The following ZFP90 variants were observed in gnomAD, a reference collection of about 807,000 sequenced individuals.
ZFP90 encodes the protein zinc finger protein 90 homolog.
Under a neutral mutation model 60.8 loss-of-function variants are expected in ZFP90, and 38 were observed. The observed-to-expected ratio is 0.62, with a 90% CI of 0.48 to 0.82. The LOEUF is 0.82. Ranked by LOEUF, ZFP90 falls within the 40% of genes least tolerant of loss-of-function variation. The probability of loss-of-function intolerance (pLI) is 0.00; values close to 1 mark genes in which losing one functional copy is unlikely to be tolerated. For missense variants in ZFP90, 711 were observed against 759.1 expected (o/e 0.94, Z 0.74); for synonymous variants, 287 against 264.8 (o/e 1.08, Z -0.82).
chr16:68,559,009 T>G (rs144708570), intron 4 of ZFP90, among the ~76,000 whole-genome samples: 4 of 152,272 alleles, frequency 2.6e-5, no homozygotes, highest in African/African-American at 9.6e-5. Context: ...GCCACCATCT[T>G]CCTTCCATCT....
intron 3 of ZFP90, 153 bp downstream of exon 3, chr16:68,558,277 T>C (rs1322276871): frequency 7.8e-7 from 1 of 1,284,474 alleles, no homozygotes; most frequent in Non-Finnish European, 1.1e-6. Flanking sequence ...TATGGGGTTT[T>C]GAGCCTGCTC....
intron 3 of ZFP90, 142 bp downstream of exon 3, chr16:68,558,266 T>TA: frequency 7.4e-7 from 1 of 1,351,094 alleles, no homozygotes; most frequent in East Asian, 2.3e-5. Flanking sequence ...GGACCCAGTT[T>TA]TATGGGGTTT....
At chr16:68,542,118 C>G (rs1444006485) in intron 2 of ZFP90, among the ~76,000 whole-genome samples, 1 of 152,146 alleles carries the variant, frequency 6.6e-6, no homozygotes, top group African/African-American at 2.4e-5. Context: ...AGTAATGAGT[C>G]CTGTGACTGC....
intron 2 of ZFP90, among the ~76,000 whole-genome samples, chr16:68,544,178 T>A (rs1245583415): frequency 6.6e-6 from 1 of 152,210 alleles, no homozygotes; most frequent in Non-Finnish European, 1.5e-5. Context: ...ACATGTGTAC[T>A]ACATTTTTAG....
chr16:68,549,057 A>C (rs2091207145), intron 2 of ZFP90, among the ~76,000 whole-genome samples: 1 of 152,116 alleles, frequency 6.6e-6, no homozygotes, highest in South Asian at 2.1e-4. Context: ...ACGTGTTTGG[A>C]ATGCTTGCTC....
At chr16:68,558,303 T>G in intron 3 of ZFP90, 170 bp from the exon 4 acceptor site, 5 of 1,176,914 alleles carry the variant, frequency 4.2e-6, no homozygotes, top group Non-Finnish European at 5.0e-6. Flanking sequence ...GTAAAAGGTC[T>G]TTATTTTGCA....
chr16:68,569,055 G>T (rs1285314890), downstream of ZFP90, among the ~76,000 whole-genome samples: 1 of 151,670 alleles, frequency 6.6e-6, no homozygotes, highest in Non-Finnish European at 1.5e-5. Context: ...CAATAAAGAA[G>T]AGCCTAGAGC....
chr16:68,556,375 C>T (rs1198148151), intron 2 of ZFP90, among the ~76,000 whole-genome samples: 1 of 152,114 alleles, frequency 6.6e-6, no homozygotes, highest in Non-Finnish European at 1.5e-5. Context: ...GGGTATGAGG[C>T]AGTGAAAGAC....
downstream of ZFP90, among the ~76,000 whole-genome samples, chr16:68,567,329 C>T (rs988706181): frequency 1.1e-4 from 16 of 152,260 alleles, no homozygotes; most frequent in Admixed American, 3.9e-4. Context: ...TTCTGGTTAG[C>T]GGTGTGGTGG....
intron 2 of ZFP90, among the ~76,000 whole-genome samples, chr16:68,575,535 C>CAAAAAAAA (rs34872149): frequency 1.2e-5 from 1 of 82,396 alleles, no homozygotes; most frequent in Non-Finnish European, 2.3e-5. Flanking sequence ...TGTGAGTATG[C>CAAAAAAAA]AAAAAAAAAA....
At chr16:68,561,058 C>T (rs1273346789) in intron 4 of ZFP90, among the ~76,000 whole-genome samples, 1 of 152,022 alleles carries the variant, frequency 6.6e-6, no homozygotes, top group Non-Finnish European at 1.5e-5. Flanking sequence ...CCATGCCCGG[C>T]TAATTTTTTG....
chr16:68,570,019 TTCTCA>T (rs558658148), downstream of ZFP90, among the ~76,000 whole-genome samples: 181 of 146,490 alleles, frequency 1.2e-3, no homozygotes, highest in Non-Finnish European at 1.8e-3. Flanking sequence ...ACATGTATTT[TTCTCA>T]TCTCAAATTA....
chr16:68,533,921 G>A (rs2152048620), intron 2 of ZFP90: 1 of 152,332 alleles, frequency 6.6e-6, no homozygotes, highest in African/African-American at 2.4e-5. Context: ...TCACTATGAT[G>A]TGTTTCAATG....
chr16:68,564,765 T>C lies in ZFP90; in HGVS notation c.*67T>C, dbSNP rs2091498438. The C allele has an allele frequency of 2.6e-6, 4 of 1,515,948 alleles. No homozygotes were observed. Among genetic ancestry groups the C allele is most frequent in the Non-Finnish European group, 2.6e-6 (3 of 1,138,136 alleles). The allele number at this position is 1,515,948 out of a possible 1,614,324, so 93.9% of individuals were successfully genotyped here. A position where few individuals can be genotyped will look rare whatever the true frequency, so the allele number is the denominator to read the frequency against. The stretch of plus-strand genomic sequence containing the variant: ...ATGTTCTGATTCAGGATCAGAGGAT[T>C]CTTAGAGAGCTTGGGAATGTAATGA... On this transcript the variant is annotated 3_prime_UTR_variant, in exon 5 of 5. Coordinates refer to ENST00000563169, the MANE Select transcript of ZFP90 (RefSeq NM_001305203.2).
chr16:68,567,454 C>G (rs1010989977), downstream of ZFP90, among the ~76,000 whole-genome samples: 1 of 152,178 alleles, frequency 6.6e-6, no homozygotes, highest in Non-Finnish European at 1.5e-5. Context: ...GTTTTAGGGG[C>G]AGGCATGAGA....
At chr16:68,558,321 A>C (rs553508759) in intron 3 of ZFP90, 152 bp from the exon 4 acceptor site, 1 of 1,120,740 alleles carries the variant, frequency 8.9e-7, no homozygotes, top group East Asian at 2.5e-5. Flanking sequence ...GCAAAACTGG[A>C]AATAGGCAAT....
At chr16:68,561,625 T>C (rs2091440549) in intron 4 of ZFP90, among the ~76,000 whole-genome samples, 1 of 152,218 alleles carries the variant, frequency 6.6e-6, no homozygotes, top group South Asian at 2.1e-4. Context: ...TATTATGGTA[T>C]TTTAATATAT....
rs769531635 is a variant in ZFP90, at chr16:68,558,415, G to A, written c.161-58G>A. The A allele has an allele frequency of 1.1e-5, 17 of 1,502,006 alleles. No individual in the cohort carries two copies. The East Asian group carries it at 3.6e-4, about 32-fold the overall frequency. 93.0% of individuals were successfully genotyped at this position (1,502,006 alleles called of 1,614,324 possible). ...AGGACTAGTACTGACTTGTCCTTAGGAGGGTTCTTTGTCCACTTGCACAAA... is the reference window on the plus strand; with the variant it reads ...AGGACTAGTACTGACTTGTCCTTAGAAGGGTTCTTTGTCCACTTGCACAAA... On this transcript the variant is annotated intron_variant, in intron 3 of 4. Coordinates refer to ENST00000563169, the MANE Select transcript of ZFP90 (RefSeq NM_001305203.2).
intron 2 of ZFP90, among the ~76,000 whole-genome samples, chr16:68,574,432 CAG>C (rs2091583239): frequency 6.7e-6 from 1 of 150,034 alleles, no homozygotes; most frequent in African/African-American, 2.5e-5. Flanking sequence ...CTCCCAATAA[CAG>C]TGGTCGAGGT....
Sources: allele counts gnomAD v4.1 joint callset (sites outside exome capture counted in the v4.1 genomes callset), GRCh38; gene constraint gnomAD v4.1.1; transcripts MANE v1.5; gene names NCBI Gene and HGNC (gene_info 2026-07-23, HGNC 2026-07-21).